UMAD1: variants seen among roughly 807,000 people sequenced by gnomAD.
UMAD1 encodes the protein UBAP1-MVB12-associated (UMA) domain containing 1.
UMAD1 carries 8 observed loss-of-function variants against 6.1 expected under a neutral mutation model. The ratio of observed to expected loss-of-function variants is 1.30; its 90% CI spans 0.76 to 2.35. The LOEUF (loss-of-function observed/expected upper bound fraction) is 2.35, where lower values mean the gene tolerates loss of function less well. Among genes scored for constraint, UMAD1 ranks in the 30% most tolerant of loss-of-function variants. UMAD1 has a pLI of 0.00. For missense variants in UMAD1, 130 were observed against 78.4 expected (o/e 1.66, Z -2.49); for synonymous variants, 56 against 31.4 (o/e 1.78, Z -2.61).
At chr7:7,855,949 G>A (rs994934484) in intron 3 of UMAD1, among the ~76,000 whole-genome samples, 3 of 152,178 alleles carry the variant, frequency 2.0e-5, no homozygotes, top group African/African-American at 7.2e-5. Flanking sequence ...CTTTGCTAAA[G>A]CATAGCAGGA....
chr7:7,836,695 C>T lies in UMAD1; in HGVS notation c.156+34952C>T, dbSNP rs139170582. 3.0e-3 allele frequency among the ~76,000 whole-genome samples: 461 copies of T among 151,778 alleles called. 2 individuals carry two copies. Among genetic ancestry groups the T allele is most frequent in the African/African-American group, 0.011 (438 of 41,442 alleles). On this transcript the variant is annotated intron_variant, in intron 3 of 3. Transcript: ENST00000682710. ...TAAGTGTATTTGGGAAAAAATAGAACATTAGAAATTAAAAACAGTTATTCA... is the reference window on the plus strand; with the variant it reads ...TAAGTGTATTTGGGAAAAAATAGAATATTAGAAATTAAAAACAGTTATTCA...
At chr7:7,731,712 G>C (rs1472863437) in intron 2 of UMAD1, among the ~76,000 whole-genome samples, 1 of 152,170 alleles carries the variant, frequency 6.6e-6, no homozygotes, top group East Asian at 1.9e-4. Context: ...TCTCTTCTAT[G>C]GAGTGTAACG....
intron 3 of UMAD1, among the ~76,000 whole-genome samples, chr7:7,873,930 C>A (rs1040858762): frequency 6.6e-6 from 1 of 152,152 alleles, no homozygotes; most frequent in Non-Finnish European, 1.5e-5. Context: ...ATTTTCTCTC[C>A]ACTTTCTCCA....
At chr7:7,816,503 C>T (rs996112705) in intron 3 of UMAD1, among the ~76,000 whole-genome samples, 1 of 152,218 alleles carries the variant, frequency 6.6e-6, no homozygotes, top group Non-Finnish European at 1.5e-5. Context: ...ATCACCGCCA[C>T]TCAGAGGTGG....
chr7:7,870,440 C>T (rs1205214487), intron 3 of UMAD1, among the ~76,000 whole-genome samples: 2 of 152,118 alleles, frequency 1.3e-5, no homozygotes, highest in African/African-American at 4.8e-5. Context: ...TGGCTATTAA[C>T]CAAAAGGTTA....
chr7:7,768,297 G>C (rs1057282671), intron 2 of UMAD1, among the ~76,000 whole-genome samples: 3 of 152,092 alleles, frequency 2.0e-5, no homozygotes, highest in Non-Finnish European at 4.4e-5. Flanking sequence ...AAGAGAACAA[G>C]CATAATTTTG....
rs958237716 is a variant in UMAD1 at position 7,643,963 on chromosome 7, C to G, written c.-64+3142C>G. On this transcript the variant is annotated intron_variant, in intron 1 of 3. Transcript: ENST00000682710. ...GCAAGGACTGAAGTTGCTACTGACC[C>G]GTGAGGATAGGCCACCGGTAACTTG... is the stretch of plus-strand genomic sequence containing the variant. Among the ~76,000 whole-genome samples the G allele has an allele frequency of 3.3e-5, 5 of 152,196 alleles. No homozygotes were observed. The South Asian group carries it at 1.0e-3, about 32-fold the overall frequency.
chr7:7,742,210 C>T, intron 2 of UMAD1: 3 of 682,230 alleles, frequency 4.4e-6, no homozygotes, highest in Non-Finnish European at 2.8e-6. Context: ...CACAGAGCTT[C>T]TTCACAGCCT....
chr7:7,805,755 A>AT (rs773871645), intron 3 of UMAD1, among the ~76,000 whole-genome samples: 1 of 152,094 alleles, frequency 6.6e-6, no homozygotes, highest in Non-Finnish European at 1.5e-5. Context: ...TTTGCTAGTC[A>AT]TTTTTTAAAC....
At chr7:7,850,467 G>T (rs1356138053) in intron 3 of UMAD1, among the ~76,000 whole-genome samples, 2 of 151,824 alleles carry the variant, frequency 1.3e-5, no homozygotes, top group Non-Finnish European at 2.9e-5. Flanking sequence ...CCAAAGAATT[G>T]TATCTTTTAT....
At chr7:7,760,763 T>C (rs369217851) in intron 2 of UMAD1, among the ~76,000 whole-genome samples, 41 of 152,184 alleles carry the variant, frequency 2.7e-4, no homozygotes, top group African/African-American at 8.9e-4. Context: ...AGTGAAAGAA[T>C]AGACTAAAAG....
intron 1 of UMAD1, among the ~76,000 whole-genome samples, chr7:7,647,470 G>A (rs999686541): frequency 1.3e-5 from 2 of 152,202 alleles, no homozygotes; most frequent in Non-Finnish European, 2.9e-5. Context: ...GTTGGATCCA[G>A]TGTGTAAATT....
At chr7:7,643,366 G>A (rs559728085) in intron 1 of UMAD1, among the ~76,000 whole-genome samples, 17 of 152,266 alleles carry the variant, frequency 1.1e-4, no homozygotes, top group Non-Finnish European at 2.2e-4. Flanking sequence ...TGTGCCTGCC[G>A]GCAGCCTATC....
At chr7:7,795,631 A>G (rs902596340) in intron 2 of UMAD1, among the ~76,000 whole-genome samples, 2 of 152,116 alleles carry the variant, frequency 1.3e-5, no homozygotes, top group Admixed American at 6.5e-5. Context: ...CTAAACAAGG[A>G]TGGGTTATTC....
intron 2 of UMAD1, among the ~76,000 whole-genome samples, chr7:7,755,180 A>T (rs2115224471): frequency 6.6e-6 from 1 of 152,322 alleles, no homozygotes; most frequent in South Asian, 2.1e-4. Context: ...TTTATTCTTT[A>T]AAAAATCCAT....
chr7:7,683,473 C>T (rs1476809284), intron 2 of UMAD1, among the ~76,000 whole-genome samples: 1 of 152,096 alleles, frequency 6.6e-6, no homozygotes, highest in Admixed American at 6.6e-5. Flanking sequence ...TATAAAGTTA[C>T]AGTTTCTTTT....
chr7:7,831,890 G>A lies in UMAD1; in HGVS notation c.156+30147G>A, dbSNP rs941222272. On this transcript the variant is annotated intron_variant, in intron 3 of 3. Coordinates refer to ENST00000682710, the MANE Select transcript of UMAD1 (RefSeq NM_001302348.2). ...CTAAATGTAGTGTCATATTTTCAAA[G>A]GACAACTTCTTTCTTTGTGGCCAGA... 5.3e-5 allele frequency among the ~76,000 whole-genome samples: 8 copies of A among 152,124 alleles called. No individual in the cohort carries two copies. The South Asian group carries it at 6.2e-4, about 12-fold the overall frequency.
intron 3 of UMAD1, among the ~76,000 whole-genome samples, chr7:7,843,949 CA>C (rs1315707128): frequency 7.9e-5 from 12 of 152,158 alleles, no homozygotes; most frequent in Admixed American, 7.9e-4. Context: ...TTAAAATTGA[CA>C]TTTGCTTGCA....
At chr7:7,778,251 TGTGTGTGTGTGTGTGTGTGTGTGTGAGA>T (rs1365947507) in intron 2 of UMAD1, among the ~76,000 whole-genome samples, 5 of 135,318 alleles carry the variant, frequency 3.7e-5, no homozygotes, top group Non-Finnish European at 6.4e-5. Context: ...TGTGTGTGTG[TGTGTGTGTGTGTGTGTGTGTGTGTGAGA>T]GAGAGAGAGA....
Sources: allele counts gnomAD v4.1 joint callset (sites outside exome capture counted in the v4.1 genomes callset), GRCh38; gene constraint gnomAD v4.1.1; transcripts MANE v1.5; gene names NCBI Gene and HGNC (gene_info 2026-07-23, HGNC 2026-07-21).